Variants in STK24 observed in about 807,000 individuals in gnomAD.
STK24 encodes the protein serine/threonine kinase 24.
STK24 carries 21 observed loss-of-function variants against 55.6 expected under a neutral mutation model. That is an observed-to-expected ratio of 0.38 (90% CI 0.27 to 0.54). The LOEUF is 0.54. Ranked by LOEUF, STK24 falls within the 20% of genes least tolerant of loss-of-function variation. The probability of loss-of-function intolerance (pLI) is 0.79; values close to 1 mark genes in which losing one functional copy is unlikely to be tolerated. For missense variants in STK24, 383 were observed against 538.4 expected (o/e 0.71, Z 2.86); for synonymous variants, 200 against 215.2 (o/e 0.93, Z 0.62).
Position 98,446,812 on chromosome 13 carries a change from C to T in STK24, c.*6361G>A, listed in dbSNP as rs758094863. 1.7e-5 allele frequency: 27 copies of T among 1,613,888 alleles called. No individual in the cohort carries two copies. The highest frequency in any genetic ancestry group is 1.6e-4 in the Middle Eastern group (1 of 6,084). ...TCAGGGCGGAAAGCGAGTACACGTT[C>T]GAAAGGTAGACACCCCCTTCCCACG... is the stretch of plus-strand genomic sequence containing the variant. On this transcript the variant is annotated 3_prime_UTR_variant, in exon 11 of 11. Coordinates refer to ENST00000539966, the MANE Select transcript of STK24 (RefSeq NM_001032296.4).
chr13:98,563,835 G>A (rs1897495727), intron 1 of STK24, among the ~76,000 whole-genome samples: 1 of 151,882 alleles, frequency 6.6e-6, no homozygotes, highest in Admixed American at 6.6e-5. Context: ...ACTCCAGCCT[G>A]GGTGAAGGAG....
intron 1 of STK24, among the ~76,000 whole-genome samples, chr13:98,533,759 AACACAC>A (rs369424726): frequency 6.6e-6 from 1 of 151,098 alleles, no homozygotes; most frequent in Non-Finnish European, 1.5e-5. Context: ...CTCAGTACCC[AACACAC>A]ACACACACAC....
At chr13:98,475,079 G>A in intron 4 of STK24, 101 bp from the exon 5 acceptor site, 1 of 1,473,294 alleles carries the variant, frequency 6.8e-7, no homozygotes, top group Non-Finnish European at 9.0e-7. Flanking sequence ...AACCCACCGA[G>A]CACAGGCACC....
Position 98,543,038 on chromosome 13 carries a change from C to T in STK24, c.43-23565G>A, listed in dbSNP as rs890630865. Reference sequence around the variant, plus strand: ...CTGGAAGGCCCAAAGACTGAAGCCTCCGGGGGCTTACAGGTGCCAGCAAAG... The same window carrying T: ...CTGGAAGGCCCAAAGACTGAAGCCTTCGGGGGCTTACAGGTGCCAGCAAAG... On this transcript the variant is annotated intron_variant, in intron 1 of 10. Transcript: ENST00000539966. 5 of 985,198 alleles carry T rather than the reference C, an allele frequency of 5.1e-6. No individual in the cohort carries two copies. In the African/African-American group the frequency reaches 7.0e-5, roughly 14 times the overall value. 61.0% of individuals were successfully genotyped at this position (985,198 alleles called of 1,614,324 possible). A position where few individuals can be genotyped will look rare whatever the true frequency, so the allele number is the denominator to read the frequency against.
intron 2 of STK24, among the ~76,000 whole-genome samples, chr13:98,482,999 G>A (rs1014150428): frequency 8.5e-5 from 13 of 152,196 alleles, no homozygotes; most frequent in African/African-American, 2.2e-4. Context: ...CCAGCTCTGC[G>A]CCTGCCTTCC....
rs1462521956 is a variant in STK24, at chr13:98,446,869, C to G, written c.*6304G>C. 2 of 1,591,452 alleles carry G rather than the reference C, an allele frequency of 1.3e-6. No homozygotes were observed. Among genetic ancestry groups the G allele is most frequent in the African/African-American group, 1.3e-5 (1 of 74,438 alleles). ...GCCCTGCAGAAGAGGACCCCCTCTT[C>G]CAAACATCAGGATTTCTCCCAAGTC... On this transcript the variant is annotated 3_prime_UTR_variant, in exon 11 of 11. Transcript: ENST00000539966.
chr13:98,569,413 C>CAAAAAAAAA (rs11316359), intron 1 of STK24, among the ~76,000 whole-genome samples: 3 of 127,136 alleles, frequency 2.4e-5, no homozygotes, highest in Non-Finnish European at 1.7e-5. Context: ...ACAGCAGAGA[C>CAAAAAAAAA]AAAAAAAAAA....
Position 98,446,550 on chromosome 13 carries a change from C to A in STK24, c.*6623G>T. ...GCTGCCATGGTCCCTTCCAGGCCCA[C>A]GCCCGAGGAGGGAGCTGCCTGGGCT... On this transcript the variant is annotated 3_prime_UTR_variant, in exon 11 of 11. Transcript: ENST00000539966. 2 of 1,081,896 alleles carry A rather than the reference C, an allele frequency of 1.8e-6. No individual in the cohort carries two copies. Among genetic ancestry groups the A allele is most frequent in the Non-Finnish European group, 2.7e-6 (2 of 728,396 alleles). 67.0% of individuals were successfully genotyped at this position (1,081,896 alleles called of 1,614,324 possible).
intron 2 of STK24, among the ~76,000 whole-genome samples, chr13:98,488,724 G>A (rs1170475721): frequency 2.6e-5 from 4 of 152,046 alleles, no homozygotes; most frequent in East Asian, 3.8e-4. Context: ...CTAAGAACCC[G>A]GAATCATTGA....
At chr13:98,463,628 C>G (rs1594577013) in intron 7 of STK24, 63 bp downstream of exon 7, 1 of 1,509,214 alleles carries the variant, frequency 6.6e-7, no homozygotes, top group East Asian at 2.4e-5. Flanking sequence ...CCACACCAAA[C>G]AGTGACAAAG....
At chr13:98,548,971 G>A (rs1897097935) in intron 1 of STK24, among the ~76,000 whole-genome samples, 1 of 151,006 alleles carries the variant, frequency 6.6e-6, no homozygotes, top group Admixed American at 6.6e-5. Flanking sequence ...AACAAATAGA[G>A]AAGACCCCGA....
chr13:98,479,764 G>C (rs1162182310), intron 3 of STK24, among the ~76,000 whole-genome samples: 1 of 152,210 alleles, frequency 6.6e-6, no homozygotes, highest in Non-Finnish European at 1.5e-5. Flanking sequence ...GTGGATGTGG[G>C]AAAGAAGCAA....
At chr13:98,466,314 A>G (rs1165154131) in intron 6 of STK24, 62 bp downstream of exon 6, 84 of 1,538,194 alleles carry the variant, frequency 5.5e-5, no homozygotes, top group African/African-American at 9.6e-5. Flanking sequence ...TCCCAACAGG[A>G]TGTATCTCAA....
At chr13:98,458,552 G>A (rs554222894) in intron 9 of STK24, among the ~76,000 whole-genome samples, 13 of 152,290 alleles carry the variant, frequency 8.5e-5, no homozygotes, top group African/African-American at 2.6e-4. Context: ...GGGCCACGCC[G>A]CCGGCCCCGA....
chr13:98,571,300 C>G (rs2139467976), intron 1 of STK24, among the ~76,000 whole-genome samples: 1 of 152,266 alleles, frequency 6.6e-6, no homozygotes, highest in South Asian at 2.1e-4. Flanking sequence ...TTAGGCAGCT[C>G]AGCTCTACGC....
chr13:98,573,485 T>C (rs1287562517), intron 1 of STK24, among the ~76,000 whole-genome samples: 1 of 152,154 alleles, frequency 6.6e-6, no homozygotes, highest in Admixed American at 6.5e-5. Context: ...TTTCCCCTAC[T>C]GAAATATAAA....
chr13:98,460,958 G>A (rs956726973), intron 8 of STK24, among the ~76,000 whole-genome samples: 1 of 151,962 alleles, frequency 6.6e-6, no homozygotes, highest in African/African-American at 2.4e-5. Flanking sequence ...TGAGGTGGGA[G>A]GATCACTTGA....
chr13:98,560,810 G>A (rs537613747), intron 1 of STK24, among the ~76,000 whole-genome samples: 2 of 151,364 alleles, frequency 1.3e-5, no homozygotes, highest in African/African-American at 4.9e-5. Flanking sequence ...GAACCCAGGA[G>A]ACAGAGGTTG....
intron 1 of STK24, among the ~76,000 whole-genome samples, chr13:98,540,875 C>T (rs1205636049): frequency 6.7e-6 from 1 of 149,284 alleles, no homozygotes; most frequent in Non-Finnish European, 1.5e-5. Flanking sequence ...GACAAAATAA[C>T]CAAAGAATTC....
Sources: gnomAD v4.1 joint callset for allele counts (sites outside exome capture counted in the v4.1 genomes callset) on GRCh38, gnomAD v4.1.1 for gene constraint, MANE v1.5 for transcripts, NCBI Gene and HGNC (gene_info 2026-07-23, HGNC 2026-07-21) for gene names.